Variants in PCDH15 observed in about 807,000 individuals in gnomAD.
PCDH15 encodes the protein protocadherin-15.
PCDH15 carries 129 observed loss-of-function variants against 178.5 expected under a neutral mutation model. That is an observed-to-expected ratio of 0.72 (90% CI 0.63 to 0.84). The LOEUF is 0.84. Among genes scored for constraint, PCDH15 ranks in the 40% least tolerant of loss-of-function variants. PCDH15 has a pLI of 0.00. For synonymous variants in PCDH15, 800 were observed against 732.0 expected (o/e 1.09, Z -1.50); for missense variants, 2,230 against 2,099.9 (o/e 1.06, Z -1.21).
intron 2 of PCDH15, among the ~76,000 whole-genome samples, chr10:55,006,289 G>A (rs546672401): frequency 5.0e-4 from 76 of 151,648 alleles, no homozygotes; most frequent in African/African-American, 1.5e-3. Context: ...CCCAGCCTTC[G>A]GTTACTACCT....
intron 2 of PCDH15, among the ~76,000 whole-genome samples, chr10:55,016,103 A>ATT (rs1564718223): frequency 1.6e-4 from 11 of 70,502 alleles, no homozygotes; most frequent in African/African-American, 3.6e-4. Context: ...TTTTTTAAAA[A>ATT]AAAAAAAAAA....
chr10:53,857,173 A>G lies in PCDH15; in HGVS notation c.3806+2T>C, dbSNP rs756692340. 50 of 1,575,176 alleles carry G rather than the reference A, an allele frequency of 3.2e-5. No homozygotes were observed. Among genetic ancestry groups the G allele is most frequent in the Non-Finnish European group, 4.1e-5 (47 of 1,145,736 alleles). ...AATATATAAGGAGACAAAATCAATT[A>G]CTCTGTAAGATCTTCTATCTTTTTT... On this transcript the variant is annotated splice_donor_variant, in intron 28 of 37. Coordinates refer to ENST00000644397, the MANE Select transcript of PCDH15 (RefSeq NM_001384140.1). LOFTEE classifies it high-confidence loss of function.
intron 9 of PCDH15, among the ~76,000 whole-genome samples, chr10:54,227,913 C>T (rs553081878): frequency 1.3e-5 from 2 of 152,324 alleles, no homozygotes; most frequent in African/African-American, 2.4e-5. Flanking sequence ...ACAAGTTCCT[C>T]ATCTCTATCT....
intron 2 of PCDH15, among the ~76,000 whole-genome samples, chr10:55,566,395 G>T (rs1214628268): frequency 6.6e-6 from 1 of 151,478 alleles, no homozygotes; most frequent in East Asian, 1.9e-4. Flanking sequence ...TTCCCTCTGT[G>T]ATAAGCAACA....
chr10:54,067,798 C>T (rs1308138372), intron 17 of PCDH15, among the ~76,000 whole-genome samples: 3 of 152,032 alleles, frequency 2.0e-5, no homozygotes, highest in African/African-American at 7.2e-5. Flanking sequence ...CAAGGTGATA[C>T]TGTCATGAGA....
intron 20 of PCDH15, among the ~76,000 whole-genome samples, chr10:54,017,452 C>T (rs1211310082): frequency 1.3e-5 from 2 of 152,092 alleles, no homozygotes; most frequent in East Asian, 1.9e-4. Context: ...GAACACTATG[C>T]AGCCATAAAA....
intron 1 of PCDH15, among the ~76,000 whole-genome samples, chr10:55,168,193 G>T (rs540378344): frequency 4.6e-5 from 7 of 152,162 alleles, no homozygotes; most frequent in African/African-American, 1.7e-4. Context: ...TATGGATGAG[G>T]TGTGATGGGA....
intron 8 of PCDH15, among the ~76,000 whole-genome samples, chr10:54,243,471 C>T (rs1325310166): frequency 6.6e-6 from 1 of 152,128 alleles, no homozygotes; most frequent in Non-Finnish European, 1.5e-5. Flanking sequence ...TGTGCCACTG[C>T]ACTCCAGTCT....
rs147010406 is a variant in PCDH15 at position 54,723,631 on chromosome 10, A to G, written c.-28-59341T>C. The stretch of plus-strand genomic sequence containing the variant: ...GATAACCTAAACAATGGGAGAAAAT[A>G]TTTTCAAATCATGCTTCTGACAGAA... On this transcript the variant is annotated intron_variant, in intron 1 of 37. Coordinates refer to ENST00000644397, the MANE Select transcript of PCDH15 (RefSeq NM_001384140.1). Among the ~76,000 whole-genome samples the G allele has an allele frequency of 3.8e-3, 574 of 151,874 alleles. 3 individuals carry two copies. The highest frequency in any genetic ancestry group is 0.013 in the African/African-American group (533 of 41,542).
At chr10:55,301,030 T>C (rs1226746143) in intron 1 of PCDH15, among the ~76,000 whole-genome samples, 1 of 152,194 alleles carries the variant, frequency 6.6e-6, no homozygotes, top group Non-Finnish European at 1.5e-5. Flanking sequence ...GGTTTCTAGA[T>C]TTTGGCTATT....
At chr10:54,280,356 C>T (rs1400894247) in intron 8 of PCDH15, among the ~76,000 whole-genome samples, 6 of 150,974 alleles carry the variant, frequency 4.0e-5, no homozygotes, top group South Asian at 2.1e-4. Context: ...TAACCACAAC[C>T]GGGTGTCTCT....
At chr10:54,138,619 G>A (rs1409655558) in intron 14 of PCDH15, among the ~76,000 whole-genome samples, 2 of 152,272 alleles carry the variant, frequency 1.3e-5, no homozygotes, top group African/African-American at 4.8e-5. Flanking sequence ...ACCATGGTCA[G>A]GCCTGGTCAG....
At chr10:55,611,943 T>G (rs1415067422) in intron 2 of PCDH15, among the ~76,000 whole-genome samples, 5 of 152,134 alleles carry the variant, frequency 3.3e-5, no homozygotes, top group African/African-American at 7.2e-5. Context: ...CATCATGATC[T>G]CACTTACACG....
At chr10:55,609,238 C>A (rs1198945525) in intron 2 of PCDH15, among the ~76,000 whole-genome samples, 1 of 152,018 alleles carries the variant, frequency 6.6e-6, no homozygotes. Context: ...TGTAACCAAT[C>A]TAAATGTATT....
intron 15 of PCDH15, among the ~76,000 whole-genome samples, chr10:54,127,187 A>T (rs1451673632): frequency 2.6e-5 from 4 of 152,140 alleles, no homozygotes; most frequent in African/African-American, 9.7e-5. Flanking sequence ...CTAAATCCCA[A>T]TCCTTCACTC....
intron 35 of PCDH15, among the ~76,000 whole-genome samples, chr10:53,814,213 T>C (rs553141793): frequency 7.2e-5 from 11 of 152,276 alleles, no homozygotes; most frequent in Admixed American, 7.2e-4. Context: ...GCACGTTTAA[T>C]TAAATACATA....
chr10:54,661,267 C>T (rs2094486445), intron 2 of PCDH15, among the ~76,000 whole-genome samples: 1 of 151,716 alleles, frequency 6.6e-6, no homozygotes, highest in African/African-American at 2.4e-5. Context: ...AAACTGAGAA[C>T]CAAATAAAAA....
At chr10:55,343,680 C>T (rs1844665447) in intron 2 of PCDH15, among the ~76,000 whole-genome samples, 1 of 150,794 alleles carries the variant, frequency 6.6e-6, no homozygotes, top group Admixed American at 6.6e-5. Context: ...TGTGTATTGA[C>T]TGGTGGTGTA....
chr10:53,910,191 C>G (rs1393231591), intron 25 of PCDH15, among the ~76,000 whole-genome samples: 1 of 152,190 alleles, frequency 6.6e-6, no homozygotes, highest in African/African-American at 2.4e-5. Flanking sequence ...TGAGAACAGA[C>G]AGACTGCCTC....
Sources: gnomAD v4.1 joint callset for allele counts (sites outside exome capture counted in the v4.1 genomes callset) on GRCh38, gnomAD v4.1.1 for gene constraint, MANE v1.5 for transcripts, NCBI Gene and HGNC (gene_info 2026-07-23, HGNC 2026-07-21) for gene names.